HYDIN: variants seen among roughly 807,000 people sequenced by gnomAD.
HYDIN encodes HYDIN axonemal central pair apparatus protein, also known as axonemal central pair apparatus protein HYDIN.
HYDIN carries 132 observed loss-of-function variants against 403.9 expected under a neutral mutation model. That is an observed-to-expected ratio of 0.33 (90% CI 0.28 to 0.38). The LOEUF (loss-of-function observed/expected upper bound fraction) is 0.38. Ranked by LOEUF, HYDIN falls within the 10% of genes least tolerant of loss-of-function variation. HYDIN has a pLI of 1.00. For synonymous variants in HYDIN, 1,202 were observed against 1,891.7 expected (o/e 0.64, Z 9.46); for missense variants, 2,827 against 5,009.5 (o/e 0.56, Z 13.15).
rs533722353 is a variant in HYDIN at position 71,044,999 on chromosome 16, T to A, written c.2530-13082A>T. On this transcript the variant is annotated intron_variant, in intron 18 of 85. Transcript: ENST00000393567. The stretch of plus-strand genomic sequence containing the variant: ...GATTTGAATTGAGGGTCTGTTCTAG[T>A]TTATCCTTGTTCCTAGTGTGCATCC... Among the ~76,000 whole-genome samples, 9 of 151,510 alleles carry A rather than the reference T, an allele frequency of 5.9e-5. No homozygotes were observed. In the East Asian group the frequency reaches 1.4e-3, roughly 23 times the overall value.
At chr16:71,019,394 G>T (rs548733521) in intron 22 of HYDIN, among the ~76,000 whole-genome samples, 2 of 152,374 alleles carry the variant, frequency 1.3e-5, no homozygotes, top group Non-Finnish European at 2.9e-5. Flanking sequence ...AGATGGTTTC[G>T]GTTGATAAAG....
chr16:70,984,540 A>C (rs1261646667), intron 28 of HYDIN, among the ~76,000 whole-genome samples: 1 of 151,086 alleles, frequency 6.6e-6, no homozygotes, highest in Admixed American at 6.6e-5. Context: ...CAAACAGAGC[A>C]ATGAAGAATA....
intron 18 of HYDIN, among the ~76,000 whole-genome samples, chr16:71,044,050 G>A (rs2081375823): frequency 6.6e-6 from 1 of 151,740 alleles, no homozygotes; most frequent in African/African-American, 2.4e-5. Flanking sequence ...CTGTGTGCTT[G>A]GGTGCCAGCC....
At chr16:71,200,724 G>A (rs2087959459) in intron 1 of HYDIN, among the ~76,000 whole-genome samples, 1 of 152,152 alleles carries the variant, frequency 6.6e-6, no homozygotes, top group Non-Finnish European at 1.5e-5. Context: ...CATTAAAATT[G>A]AGGTTCTCTG....
At chr16:71,038,999 G>GAGT (rs1347044748) in intron 18 of HYDIN, among the ~76,000 whole-genome samples, 52 of 114,988 alleles carry the variant, frequency 4.5e-4, no homozygotes, top group African/African-American at 1.6e-3. Flanking sequence ...TCCCCGAAGC[G>GAGT]AGTCACTTTG....
intron 1 of HYDIN, among the ~76,000 whole-genome samples, chr16:71,219,434 C>G (rs1343516584): frequency 1.3e-5 from 2 of 152,038 alleles, no homozygotes; most frequent in East Asian, 3.9e-4. Flanking sequence ...AAGAGGAAGA[C>G]CACCACTTTA....
At chr16:71,182,494 A>T (rs896826379) in intron 3 of HYDIN, among the ~76,000 whole-genome samples, 4 of 152,160 alleles carry the variant, frequency 2.6e-5, no homozygotes, top group African/African-American at 9.7e-5. Flanking sequence ...TTGGATCATA[A>T]GATGTAAAAT....
chr16:71,106,195 C>T (rs1359924065), intron 10 of HYDIN, among the ~76,000 whole-genome samples: 1 of 150,858 alleles, frequency 6.6e-6, no homozygotes, highest in African/African-American at 2.4e-5. Context: ...CTCTCAATCT[C>T]CATAGCAGTC....
intron 1 of HYDIN, among the ~76,000 whole-genome samples, chr16:71,189,388 A>G (rs907162687): frequency 2.0e-5 from 3 of 152,244 alleles, no homozygotes; most frequent in African/African-American, 7.2e-5. Flanking sequence ...AAAATAAAAA[A>G]GAAACTGAAA....
At chr16:71,053,894 A>G (rs2081761102) in intron 18 of HYDIN, among the ~76,000 whole-genome samples, 1 of 152,286 alleles carries the variant, frequency 6.6e-6, no homozygotes, top group Non-Finnish European at 1.5e-5. Flanking sequence ...AATATGTTTC[A>G]TATACATAGT....
At chr16:71,197,889 A>T (rs143501108) in intron 1 of HYDIN, among the ~76,000 whole-genome samples, 1 of 152,318 alleles carries the variant, frequency 6.6e-6, no homozygotes, top group East Asian at 1.9e-4. Flanking sequence ...CTGGGATTAC[A>T]GGCATCTGCC....
rs1286189172 is a variant in HYDIN, at chr16:71,069,506, G to T, written c.1739-4C>A. ...CATATCAAGGTATGAGGAAACCCTG[G>T]AAAACAAAATATGATGTGAGAAATA... is the stretch of plus-strand genomic sequence containing the variant. On this transcript the variant is annotated splice_polypyrimidine_tract_variant and splice_region_variant and intron_variant, in intron 13 of 85. Transcript: ENST00000393567. 1.2e-6 allele frequency: 2 copies of T among 1,611,550 alleles called. No individual in the cohort carries two copies. The highest frequency in any genetic ancestry group is 1.7e-6 in the Non-Finnish European group (2 of 1,178,360).
chr16:71,069,178 C>T, intron 14 of HYDIN, 89 bp downstream of exon 14: 3 of 1,435,438 alleles, frequency 2.1e-6, no homozygotes, highest in Non-Finnish European at 1.9e-6. Flanking sequence ...TGACACTGGA[C>T]ATGCTAGAGC....
chr16:70,911,757 ATTTG>A (rs1273458401), intron 47 of HYDIN, among the ~76,000 whole-genome samples: 4 of 151,786 alleles, frequency 2.6e-5, no homozygotes, highest in Non-Finnish European at 5.9e-5. Context: ...AGATGTTTCC[ATTTG>A]TTTGTGTCAT....
At chr16:71,070,321 C>CTTTT (rs1228628094) in intron 13 of HYDIN, among the ~76,000 whole-genome samples, 4 of 137,282 alleles carry the variant, frequency 2.9e-5, no homozygotes, top group African/African-American at 5.2e-5. Context: ...TCCTTTCTTT[C>CTTTT]TTTTTTTTTT....
In HYDIN at chr16:70,868,699, C is replaced by T. The variant is rs760865052; in HGVS notation, c.11181G>A (p.Arg3727=). 1.9e-6 allele frequency: 3 copies of T among 1,614,010 alleles called. No individual in the cohort carries two copies. Among genetic ancestry groups the T allele is most frequent in the South Asian group, 2.2e-5 (2 of 91,052 alleles). ...VPINLKNMRI[R]CKLSRIMFQL... ...GAAACATAATCCTGGAGAGCTTGCA[C>T]CTGATCCGCATATTCTTTAGGTTGA... The change falls in exon 66 of 86, where the codon AGG becomes AGA. Residue 3727 remains arginine (R), a synonymous_variant. Transcript: ENST00000393567.
In HYDIN at chr16:70,807,390, G is replaced by T; in HGVS notation, c.*190C>A. 1.6e-6 allele frequency: 1 copy of T among 621,410 alleles called. No homozygotes were observed. The highest frequency in any genetic ancestry group is 2.7e-6 in the Non-Finnish European group (1 of 372,042). 38.5% of individuals were successfully genotyped at this position (621,410 alleles called of 1,614,324 possible). On this transcript the variant is annotated 3_prime_UTR_variant, in exon 86 of 86. Transcript: ENST00000393567. The stretch of plus-strand genomic sequence containing the variant: ...CTAAAATATAGAGCTGTTGTGTGTA[G>T]TTATAATGTTTAATATGGAATAGAT...
At chr16:71,204,442 A>G (rs2088187562) in intron 1 of HYDIN, among the ~76,000 whole-genome samples, 1 of 152,242 alleles carries the variant, frequency 6.6e-6, no homozygotes, top group Non-Finnish European at 1.5e-5. Flanking sequence ...TTCCAGAAGC[A>G]AGTGAACAGC....
intron 18 of HYDIN, among the ~76,000 whole-genome samples, chr16:71,034,587 A>C (rs2081026687): frequency 6.6e-6 from 1 of 151,962 alleles, no homozygotes; most frequent in Non-Finnish European, 1.5e-5. Flanking sequence ...GCAAAATGTC[A>C]ATTTCCCAAT....
Sources: gnomAD v4.1 joint callset for allele counts (sites outside exome capture counted in the v4.1 genomes callset) on GRCh38, gnomAD v4.1.1 for gene constraint, MANE v1.5 for transcripts, NCBI Gene and HGNC (gene_info 2026-07-23, HGNC 2026-07-21) for gene names.